ZNF41: variants seen among roughly 807,000 people sequenced by gnomAD.
ZNF41 encodes zinc finger protein 41.
In ZNF41, 6 loss-of-function variants were observed where a neutral mutation model predicts 9.3. The observed-to-expected ratio is 0.65, with a 90% CI of 0.35 to 1.28. The LOEUF (loss-of-function observed/expected upper bound fraction) is 1.28, where lower values mean the gene tolerates loss of function less well. ZNF41 is among the 50% of genes most tolerant of loss of function. The pLI is 0.03. For synonymous variants in ZNF41, 192 were observed against 207.1 expected (o/e 0.93, Z 0.63); for missense variants, 523 against 585.8 (o/e 0.89, Z 1.11).
chrX:47,460,954 ATATT>A (rs1297947419), intron 2 of ZNF41, among the ~76,000 whole-genome samples: 1 of 111,734 alleles, frequency 8.9e-6, no homozygotes, highest in Non-Finnish European at 1.9e-5. Context: ...GCATTCAAGA[ATATT>A]TATAGTGGCG....
At position 47,448,827 on chromosome X, in the gene ZNF41, C is replaced by A; in HGVS notation, c.943G>T (p.Asp315Tyr). ...CCTGTATAAACACTTGGATGTACATCAACCTGGGGTTTCTGGGGGAAGACT... is the reference window on the plus strand; with the variant it reads ...CCTGTATAAACACTTGGATGTACATAAACCTGGGGTTTCTGGGGGAAGACT... ...NKVFPQKPQV[D>Y]VHPSVYTGEK... Residue 315 changes from aspartate (D) to tyrosine (Y), a missense_variant, in exon 5 of 5, where the codon GAT (aspartate) becomes TAT (tyrosine). Asp to Tyr is a radical substitution (Grantham distance 160). Transcript: ENST00000684689. 1 of 1,211,648 alleles carries A rather than the reference C, an allele frequency of 8.3e-7. No individual in the cohort carries two copies. The highest frequency in any genetic ancestry group is 2.2e-5 in the Admixed American group (1 of 45,978).
chrX:47,457,057 G>C (rs1176269467), intron 2 of ZNF41, among the ~76,000 whole-genome samples: 1 of 111,826 alleles, frequency 8.9e-6, no homozygotes, highest in Non-Finnish European at 1.9e-5. Flanking sequence ...ATAGAGAATG[G>C]ACTGCAATTT....
chrX:47,481,158 A>G, intron 1 of ZNF41, among the ~76,000 whole-genome samples: 1 of 112,130 alleles, frequency 8.9e-6, no homozygotes, highest in African/African-American at 3.2e-5. Flanking sequence ...CTTGTGGGTC[A>G]GATGCTCACG....
Position 47,447,766 on chromosome X carries a change from A to G in ZNF41, c.2004T>C (p.Cys668=), listed in dbSNP as rs373412941. The G allele has an allele frequency of 2.0e-4, 246 of 1,209,961 alleles. No individual in the cohort carries two copies. Among genetic ancestry groups the G allele is most frequent in the Non-Finnish European group, 2.6e-4 (233 of 895,290 alleles). The change falls in exon 5 of 5, where the codon TGT becomes TGC. Residue 668 remains cysteine (C), a synonymous_variant. Transcript: ENST00000684689. ...TGEKPNICAE[C]GKAFTDRSNL... ...TTGATCGGTCAGTGAAGGCCTTTCC[A>G]CATTCAGCACATATATTGGGCTTCT...
rs1347646343 is a variant in ZNF41 at position 47,447,683 on chromosome X, C to T, written c.2087G>A (p.Cys696Tyr). Residue 696 changes from cysteine (C) to tyrosine (Y), a missense_variant, in exon 5 of 5, where the codon TGC (cysteine) becomes TAC (tyrosine). Transcript: ENST00000684689. The part of the protein sequence containing the change: ...TREKPYECGD[C>Y]GKTFTWKSRL... ...TGACTTCCAGGTGAAGGTTTTCCCG[C>T]AGTCACCACATTCATAGGGTTTCTC... 3.3e-6 allele frequency: 4 copies of T among 1,209,929 alleles called. No homozygotes were observed. Among genetic ancestry groups the T allele is most frequent in the Non-Finnish European group, 4.5e-6 (4 of 895,288 alleles).
chrX:47,459,742 TAAAAAAAAA>T (rs768291943), intron 2 of ZNF41, among the ~76,000 whole-genome samples: 47 of 16,157 alleles, frequency 2.9e-3, no homozygotes, highest in African/African-American at 0.011. Context: ...AGACCCTATC[TAAAAAAAAA>T]AAAAAAAAAA....
intron 2 of ZNF41, among the ~76,000 whole-genome samples, chrX:47,463,508 G>A (rs1318104862): frequency 9.0e-6 from 1 of 111,293 alleles, no homozygotes; most frequent in African/African-American, 3.3e-5. Context: ...CCCTCGGGCT[G>A]TTAACTCGCT....
intron 1 of ZNF41, among the ~76,000 whole-genome samples, chrX:47,468,785 C>T (rs1355842963): frequency 9.0e-6 from 1 of 111,465 alleles, no homozygotes; most frequent in East Asian, 2.8e-4. Context: ...GCACCCCAAT[C>T]AATAAACTCT....
intron 1 of ZNF41, among the ~76,000 whole-genome samples, chrX:47,475,431 G>A (rs2057310941): frequency 9.0e-6 from 1 of 111,284 alleles, no homozygotes; most frequent in African/African-American, 3.3e-5. Flanking sequence ...TGTGTATATA[G>A]TCGAACTTAA....
At chrX:47,479,222 C>G (rs1302274434) in intron 1 of ZNF41, among the ~76,000 whole-genome samples, 1 of 110,308 alleles carries the variant, frequency 9.1e-6, no homozygotes, top group Admixed American at 9.7e-5. Flanking sequence ...ATGAATGATA[C>G]AATAAAGCTG....
chrX:47,457,942 G>T (rs1474709859), intron 2 of ZNF41, among the ~76,000 whole-genome samples: 1 of 112,370 alleles, frequency 8.9e-6, no homozygotes, highest in African/African-American at 3.2e-5. Flanking sequence ...CTCAGTTATC[G>T]GTTTTGTACA....
At chrX:47,454,361 G>C in intron 4 of ZNF41, among the ~76,000 whole-genome samples, 1 of 110,270 alleles carries the variant, frequency 9.1e-6, no homozygotes, top group Admixed American at 9.7e-5. Context: ...AAAAAACAGA[G>C]AGCTACCCCT....
chrX:47,483,191 G>C lies in ZNF41; in HGVS notation c.-376C>G, dbSNP rs1359697005. Among the ~76,000 whole-genome samples, 1 of 112,008 alleles carries C rather than the reference G, an allele frequency of 8.9e-6. No homozygotes were observed. Among genetic ancestry groups the C allele is most frequent in the Non-Finnish European group, 1.9e-5 (1 of 53,147 alleles). ...GTCACCGAACCTGTGCAGTTGCCGC[G>C]GGGGGAGTCGTGCGTGTCAGATTTA... On this transcript the variant is annotated 5_prime_UTR_variant, in exon 1 of 5. Transcript: ENST00000684689.
rs1456690797 is a variant in ZNF41 at position 47,445,910 on chromosome X, C to T, written c.*1520G>A. The T allele has an allele frequency of 9.0e-6, 1 of 111,002 alleles. No individual in the cohort carries two copies. Among genetic ancestry groups the T allele is most frequent in the Non-Finnish European group, 1.9e-5 (1 of 53,001 alleles). 9.1% of individuals were successfully genotyped at this position (111,002 alleles called of 1,213,427 possible). ...TCAATTATATGATATATAATTGACTCAATTTATATAAAATACAAAACAGGC... is the reference window on the plus strand; with the variant it reads ...TCAATTATATGATATATAATTGACTTAATTTATATAAAATACAAAACAGGC... On this transcript the variant is annotated 3_prime_UTR_variant, in exon 5 of 5. Transcript: ENST00000684689.
At chrX:47,456,557 TTA>T in intron 2 of ZNF41, 159 bp from the exon 3 acceptor site, 1 of 689,456 alleles carries the variant, frequency 1.5e-6, no homozygotes, top group Non-Finnish European at 2.1e-6. Context: ...GCTAAAAAAC[TTA>T]TTAAAGTATC....
intron 4 of ZNF41, among the ~76,000 whole-genome samples, chrX:47,454,392 A>G (rs765522532): frequency 4.7e-4 from 53 of 111,673 alleles, no homozygotes; most frequent in African/African-American, 1.6e-3. Context: ...TATTGACCAA[A>G]AAATGAGAAA....
intron 1 of ZNF41, among the ~76,000 whole-genome samples, chrX:47,481,612 A>G (rs2057474698): frequency 8.9e-6 from 1 of 112,121 alleles, no homozygotes; most frequent in Admixed American, 9.5e-5. Context: ...GTGCCACTGC[A>G]CTCCATCTCT....
At chrX:47,465,808 G>GA (rs1429587118) in intron 2 of ZNF41, among the ~76,000 whole-genome samples, 6 of 110,838 alleles carry the variant, frequency 5.4e-5, no homozygotes, top group African/African-American at 1.6e-4. Flanking sequence ...CTGCCTCAGA[G>GA]AAAAAACATT....
intron 1 of ZNF41, among the ~76,000 whole-genome samples, chrX:47,476,216 G>C (rs1221812833): frequency 1.8e-5 from 2 of 110,840 alleles, no homozygotes; most frequent in African/African-American, 6.6e-5. Context: ...AGCTGGGTGT[G>C]GTGATGCGCA....
Sources: allele counts gnomAD v4.1 joint callset (sites outside exome capture counted in the v4.1 genomes callset), GRCh38; gene constraint gnomAD v4.1.1; transcripts MANE v1.5; gene names NCBI Gene and HGNC (gene_info 2026-07-23, HGNC 2026-07-21).